The following VPS8 variants were observed in gnomAD, a reference collection of about 807,000 sequenced individuals.
VPS8 encodes the protein vacuolar protein sorting-associated protein 8 homolog.
A neutral mutation model predicts 216.4 loss-of-function variants in VPS8; 129 were observed. The observed-to-expected ratio is 0.60, with a 90% CI of 0.52 to 0.69. The LOEUF (loss-of-function observed/expected upper bound fraction) is 0.69, where lower values mean the gene tolerates loss of function less well. Among genes scored for constraint, VPS8 ranks in the 30% least tolerant of loss-of-function variants. VPS8 has a pLI of 0.00. For synonymous variants in VPS8, 571 were observed against 565.4 expected (o/e 1.01, Z -0.14); for missense variants, 1,531 against 1,683.5 (o/e 0.91, Z 1.59).
At chr3:184,890,168 C>A (rs1044400321) in intron 22 of VPS8, among the ~76,000 whole-genome samples, 2 of 152,184 alleles carry the variant, frequency 1.3e-5, no homozygotes, top group African/African-American at 4.8e-5. Flanking sequence ...TTTATACTAT[C>A]CTTTTTGACA....
In VPS8 at chr3:185,017,310, A is replaced by G. The variant is rs181910692; in HGVS notation, c.4003-7026A>G. Among the ~76,000 whole-genome samples the G allele has an allele frequency of 7.4e-4, 112 of 152,300 alleles. 1 individual carries two copies. The highest frequency in any genetic ancestry group is 2.9e-3 in the Admixed American group (45 of 15,302). ...CCAGTGCTATAGAGAAATGATTGAA[A>G]TGTCTGCTCCTGTATCTACCAAACC... On this transcript the variant is annotated intron_variant, in intron 45 of 47. Transcript: ENST00000625842.
chr3:184,867,002 G>A, intron 17 of VPS8, 52 bp downstream of exon 17: 1 of 1,543,884 alleles, frequency 6.5e-7, no homozygotes, highest in Non-Finnish European at 8.8e-7. Flanking sequence ...GGGTAGTTGA[G>A]GCTGAAGGAG....
At chr3:184,927,758 T>G (rs923646691) in intron 31 of VPS8, among the ~76,000 whole-genome samples, 1 of 152,148 alleles carries the variant, frequency 6.6e-6, no homozygotes, top group African/African-American at 2.4e-5. Context: ...TCCCCAGCCC[T>G]TAGTAACTAC....
chr3:184,920,175 C>A lies in VPS8; in HGVS notation c.2431C>A (p.Arg811=). 2 of 1,518,412 alleles carry A rather than the reference C, an allele frequency of 1.3e-6. No homozygotes were observed. Among genetic ancestry groups the A allele is most frequent in the South Asian group, 2.6e-5 (2 of 75,758 alleles). The allele number at this position is 1,518,412 out of a possible 1,614,324, so 94.1% of individuals were successfully genotyped here. A position where few individuals can be genotyped will look rare whatever the true frequency, so the allele number is the denominator to read the frequency against. ...NDKQAVEYQQ[R]IVDILLKVMV... ...CAAGCAAGCTGTGGAATATCAACAG[C>A]GAATTGTGGATATTTTGTTGAAAGT... is the stretch of plus-strand genomic sequence containing the variant. The change falls in exon 29 of 48, where the codon CGA becomes AGA. Residue 811 remains arginine (R), a synonymous_variant. Coordinates refer to ENST00000625842, the MANE Select transcript of VPS8 (RefSeq NM_001009921.3).
At chr3:184,996,608 A>T in intron 44 of VPS8, 107 bp downstream of exon 44, 1 of 1,303,080 alleles carries the variant, frequency 7.7e-7, no homozygotes, top group Non-Finnish European at 1.0e-6. Context: ...AGTGAACGTG[A>T]TAGGCAAGTT....
intron 39 of VPS8, among the ~76,000 whole-genome samples, chr3:184,969,901 CTTTTTTTTTTTTTT>C (rs755680287): frequency 7.3e-5 from 8 of 110,220 alleles, no homozygotes; most frequent in Non-Finnish European, 1.8e-5. Flanking sequence ...TACTTTCTTA[CTTTTTTTTTTTTTT>C]TTTTTTTTTT....
chr3:184,913,922 G>A (rs1240760155), intron 26 of VPS8, among the ~76,000 whole-genome samples: 2 of 152,202 alleles, frequency 1.3e-5, no homozygotes, highest in Admixed American at 6.5e-5. Context: ...GTTGAAACCC[G>A]GGTTTTTTAT....
At chr3:184,859,047 A>G (rs2108709854) in intron 14 of VPS8, among the ~76,000 whole-genome samples, 1 of 152,262 alleles carries the variant, frequency 6.6e-6, no homozygotes, top group Admixed American at 6.5e-5. Flanking sequence ...AACTTTGCTC[A>G]ACTTTAATTT....
chr3:185,040,822 A>G (rs988837587), intron 46 of VPS8, among the ~76,000 whole-genome samples: 16 of 152,242 alleles, frequency 1.1e-4, no homozygotes, highest in African/African-American at 3.9e-4. Context: ...ATATTGTTTC[A>G]GTTTCTGACC....
At chr3:185,040,799 C>T (rs1287333777) in intron 46 of VPS8, among the ~76,000 whole-genome samples, 1 of 152,180 alleles carries the variant, frequency 6.6e-6, no homozygotes, top group Non-Finnish European at 1.5e-5. Flanking sequence ...GAGCCAAGTG[C>T]AAGGCATTGC....
intron 41 of VPS8, 39 bp from the exon 42 acceptor site, chr3:184,982,973 T>C (rs763334831): frequency 3.3e-6 from 5 of 1,512,820 alleles, no homozygotes; most frequent in African/African-American, 1.4e-5. Context: ...AAAACTCTTA[T>C]TTTAAACTAA....
At chr3:184,900,196 G>C (rs1302877946) in intron 24 of VPS8, among the ~76,000 whole-genome samples, 15 of 152,190 alleles carry the variant, frequency 9.9e-5, no homozygotes. Context: ...GAGGTACAGG[G>C]AAAGGATTGA....
At chr3:184,869,116 C>G in intron 19 of VPS8, 80 bp downstream of exon 19, 1 of 1,314,354 alleles carries the variant, frequency 7.6e-7, no homozygotes, top group Non-Finnish European at 1.1e-6. Context: ...ACTCATAGGA[C>G]ACTTTTAGCT....
chr3:184,947,587 A>G (rs1743934563), intron 36 of VPS8, among the ~76,000 whole-genome samples: 1 of 151,880 alleles, frequency 6.6e-6, no homozygotes, highest in African/African-American at 2.4e-5. Flanking sequence ...TCTATGATAT[A>G]GACAAATATA....
At chr3:184,914,002 A>G (rs1737047176) in intron 26 of VPS8, among the ~76,000 whole-genome samples, 1 of 152,234 alleles carries the variant, frequency 6.6e-6, no homozygotes, top group African/African-American at 2.4e-5. Context: ...TGTTCAAATC[A>G]TGAAAAAGTT....
chr3:184,884,951 C>T (rs1730939705), intron 21 of VPS8, among the ~76,000 whole-genome samples: 2 of 152,194 alleles, frequency 1.3e-5, no homozygotes, highest in African/African-American at 2.4e-5. Context: ...CTCCCCATTA[C>T]CTAGCCCACT....
At chr3:184,857,973 A>C (rs553749168) in intron 14 of VPS8, among the ~76,000 whole-genome samples, 9 of 152,202 alleles carry the variant, frequency 5.9e-5, no homozygotes. Flanking sequence ...AAGGGCCCAC[A>C]TTAAGTGGTT....
At chr3:185,040,123 A>G (rs1156458153) in intron 46 of VPS8, among the ~76,000 whole-genome samples, 3 of 152,126 alleles carry the variant, frequency 2.0e-5, no homozygotes, top group African/African-American at 7.2e-5. Flanking sequence ...GGAAGGCACT[A>G]ATCTATTCAT....
intron 45 of VPS8, among the ~76,000 whole-genome samples, chr3:185,014,417 G>A (rs899522720): frequency 1.3e-5 from 2 of 152,160 alleles, no homozygotes; most frequent in African/African-American, 4.8e-5. Context: ...CTCATGATAA[G>A]GTTTCAGGTG....
Sources: allele counts gnomAD v4.1 joint callset (sites outside exome capture counted in the v4.1 genomes callset), GRCh38; gene constraint gnomAD v4.1.1; transcripts MANE v1.5; gene names NCBI Gene and HGNC (gene_info 2026-07-23, HGNC 2026-07-21).